ING5: variants seen among roughly 807,000 people sequenced by gnomAD.
The protein encoded by ING5 is inhibitor of growth protein 5.
Under a neutral mutation model 37.4 loss-of-function variants are expected in ING5, and 17 were observed. The ratio of observed to expected loss-of-function variants is 0.45; its 90% CI spans 0.31 to 0.68. ING5 has a LOEUF of 0.68. Ranked by LOEUF, ING5 falls within the 30% of genes least tolerant of loss-of-function variation. ING5 has a pLI of 0.05. For synonymous variants in ING5, 123 were observed against 116.6 expected (o/e 1.06, Z -0.36); for missense variants, 233 against 311.9 (o/e 0.75, Z 1.91).
intron 2 of ING5, among the ~76,000 whole-genome samples, chr2:241,696,326 G>A (rs977517961): frequency 7.9e-5 from 12 of 152,098 alleles, no homozygotes; most frequent in Admixed American, 1.3e-4. Flanking sequence ...GGGAGGTGGA[G>A]GTTGCAACAA....
intron 4 of ING5, among the ~76,000 whole-genome samples, 195 bp from the exon 5 acceptor site, chr2:241,711,783 C>G (rs1423279812): frequency 2.0e-5 from 3 of 152,036 alleles, no homozygotes; most frequent in Non-Finnish European, 4.4e-5. Context: ...CACCTGTGGT[C>G]CCAGCTACTC....
intron 2 of ING5, among the ~76,000 whole-genome samples, chr2:241,695,018 C>CA (rs1308032796): frequency 2.8e-5 from 4 of 141,432 alleles, no homozygotes; most frequent in Admixed American, 7.2e-5. Flanking sequence ...GACTCCGTCT[C>CA]AAAAAAAAAG....
rs1237332467 is a variant in ING5, at chr2:241,726,469, A to G, written c.*1438A>G. The G allele has an allele frequency of 1.3e-5, 2 of 152,272 alleles. No homozygotes were observed. Among genetic ancestry groups the G allele is most frequent in the East Asian group, 1.9e-4 (1 of 5,202 alleles). 9.4% of individuals were successfully genotyped at this position (152,272 alleles called of 1,614,324 possible). On this transcript the variant is annotated 3_prime_UTR_variant, in exon 8 of 8. Coordinates refer to ENST00000313552, the MANE Select transcript of ING5 (RefSeq NM_032329.6). The stretch of plus-strand genomic sequence containing the variant: ...AAGCTGGTAGTCAGTGAGTGAGAAC[A>G]AGAGAACAAGAACACCCTGAACAGT...
intron 1 of ING5, among the ~76,000 whole-genome samples, chr2:241,703,680 A>G (rs1320689668): frequency 6.6e-6 from 1 of 151,986 alleles, no homozygotes; most frequent in Non-Finnish European, 1.5e-5. Context: ...ATCTCAGCAC[A>G]CTGCAACCTC....
intron 3 of ING5, among the ~76,000 whole-genome samples, chr2:241,709,735 T>C (rs1178311559): frequency 6.6e-6 from 1 of 151,916 alleles, no homozygotes; most frequent in Non-Finnish European, 1.5e-5. Flanking sequence ...GCCTCCCTAG[T>C]AGCTGTGATT....
upstream of ING5, among the ~76,000 whole-genome samples, chr2:241,698,061 C>CAATGA (rs2069655827): frequency 7.7e-6 from 1 of 130,032 alleles, no homozygotes; most frequent in African/African-American, 2.9e-5. Context: ...CCATCCTGGG[C>CAATGA]GAAGAAGCCA....
chr2:241,689,654 G>C (rs2069517684), intron 1 of ING5, among the ~76,000 whole-genome samples: 1 of 152,204 alleles, frequency 6.6e-6, no homozygotes, highest in African/African-American at 2.4e-5. Context: ...CCAGCAAGAA[G>C]TAAACCATCG....
intron 2 of ING5, 184 bp from the exon 3 acceptor site, chr2:241,709,032 C>A: frequency 1.7e-6 from 1 of 584,154 alleles, no homozygotes; most frequent in Non-Finnish European, 3.0e-6. Flanking sequence ...TGCACATTCA[C>A]ACGATCCCAG....
intron 1 of ING5, 30 bp from the exon 2 acceptor site, chr2:241,704,623 G>T (rs202247450): frequency 6.3e-7 from 1 of 1,593,510 alleles, no homozygotes; most frequent in Admixed American, 1.7e-5. Context: ...CTGCTGAGAG[G>T]TACATGGCTT....
chr2:241,701,679 G>C (rs1296455475), upstream of ING5, among the ~76,000 whole-genome samples: 2 of 152,192 alleles, frequency 1.3e-5, no homozygotes, highest in Non-Finnish European at 2.9e-5. Flanking sequence ...GGTCGCGTGG[G>C]CGCCGTCAGG....
intron 3 of ING5, among the ~76,000 whole-genome samples, chr2:241,709,902 C>T (rs930170356): frequency 7.9e-5 from 12 of 151,692 alleles, no homozygotes; most frequent in Admixed American, 3.3e-4. Flanking sequence ...CCACCGTGCC[C>T]GACCTCCAGG....
chr2:241,690,547 A>C (rs1437401051), exon 2 of ING5: 1 of 398,306 alleles, frequency 2.5e-6, no homozygotes, highest in East Asian at 3.6e-5. Context: ...CTGAGCATCC[A>C]GTGTCCTTCG....
exon 1 of ING5, chr2:241,687,310 CCAGTGCAGGGGCTCAGCCGGGGCT>C: frequency 2.5e-6 from 1 of 398,664 alleles, no homozygotes; most frequent in East Asian, 3.6e-5. Flanking sequence ...AGCGCGGGGC[CCAGTGCAGGGGCTCAGCCGGGGCT>C]CCTCCCAAAG....
Position 241,725,129 on chromosome 2 carries a change from T to C in ING5, c.*98T>C. The C allele has an allele frequency of 7.8e-7, 1 of 1,288,698 alleles. No homozygotes were observed. The highest frequency in any genetic ancestry group is 1.1e-6 in the Non-Finnish European group (1 of 889,348). The allele number at this position is 1,288,698 out of a possible 1,614,324, so 79.8% of individuals were successfully genotyped here. On this transcript the variant is annotated 3_prime_UTR_variant, in exon 8 of 8. Transcript: ENST00000313552. ...TTTTAAAACTACCTTGTTCGGTTGA[T>C]ACTTAGTAACTCCGTGGCCAGTTGA... is the stretch of plus-strand genomic sequence containing the variant.
intron 2 of ING5, among the ~76,000 whole-genome samples, chr2:241,706,067 T>A (rs2069901515): frequency 6.6e-6 from 1 of 152,104 alleles, no homozygotes; most frequent in Non-Finnish European, 1.5e-5. Flanking sequence ...CCAGCTGGGC[T>A]TTTCCTTGTG....
At chr2:241,698,169 C>T (rs2069658063), upstream of ING5, among the ~76,000 whole-genome samples, 1 of 148,820 alleles carries the variant, frequency 6.7e-6, no homozygotes, top group Non-Finnish European at 1.5e-5. Flanking sequence ...ATCGGGCCCG[C>T]CGTGGTGGCT....
In ING5 at chr2:241,711,440, A is replaced by G. The variant is rs776382889; in HGVS notation, c.340A>G (p.Lys114Glu). The change falls in exon 4 of 8, where the codon AAG (lysine) becomes GAG (glutamate). Residue 114 changes from lysine to glutamate, a missense_variant. This residue lies in a region of ING5 where 76 missense variants were observed against 68.2 expected (regional missense o/e 1.11). Coordinates refer to ENST00000313552, the MANE Select transcript of ING5 (RefSeq NM_032329.6). ...GCGCTTTGAAGCAGATCTGAAGGAC[A>G]AGATGGAGGGCAGTGATTTTGAAAG... The part of the protein sequence containing the change: ...LARFEADLKD[K>E]MEGSDFESSG... The G allele has an allele frequency of 3.1e-6, 5 of 1,605,208 alleles. No individual in the cohort carries two copies. The East Asian group carries it at 9.0e-5, about 29-fold the overall frequency.
intron 3 of ING5, 48 bp from the exon 4 acceptor site, chr2:241,711,329 G>A: frequency 7.8e-7 from 1 of 1,282,440 alleles, no homozygotes; most frequent in Non-Finnish European, 1.1e-6. Context: ...GTGATTCTGA[G>A]GTGTTTTGGT....
intron 2 of ING5, among the ~76,000 whole-genome samples, chr2:241,705,390 T>C (rs201335392): frequency 8.7e-5 from 10 of 114,394 alleles, no homozygotes; most frequent in East Asian, 4.8e-4. Flanking sequence ...AACTCTGTTT[T>C]TTTCTTTTTT....
Sources: gnomAD v4.1 joint callset for allele counts (sites outside exome capture counted in the v4.1 genomes callset) on GRCh38, gnomAD v4.1.1 for gene constraint, gnomAD v4.1.1 regional missense constraint, MANE v1.5 for transcripts, NCBI Gene and HGNC (gene_info 2026-07-23, HGNC 2026-07-21) for gene names.